Variants in DIS3L2 observed in about 807,000 individuals in gnomAD.
DIS3L2 encodes DIS3-like exonuclease 2.
Under a neutral mutation model 97.5 loss-of-function variants are expected in DIS3L2, and 34 were observed. The observed-to-expected ratio is 0.35, with a 90% CI of 0.27 to 0.46. The LOEUF is 0.46. DIS3L2 is among the 20% of genes least tolerant of loss of function. DIS3L2 has a pLI of 1.00. For synonymous variants in DIS3L2, 435 were observed against 445.2 expected (o/e 0.98, Z 0.29); for missense variants, 1,038 against 1,146.0 (o/e 0.91, Z 1.36).
intron 5 of DIS3L2, among the ~76,000 whole-genome samples, chr2:232,072,362 G>A (rs1161634267): frequency 6.6e-6 from 1 of 152,142 alleles, no homozygotes; most frequent in Non-Finnish European, 1.5e-5. Context: ...CATGACTTTG[G>A]GAAGAAACAA....
intron 1 of DIS3L2, among the ~76,000 whole-genome samples, chr2:231,982,984 G>C (rs1465283353): frequency 6.6e-6 from 1 of 151,974 alleles, no homozygotes; most frequent in East Asian, 1.9e-4. Flanking sequence ...CCAGCCTCAA[G>C]CATCTTTTAA....
intron 3 of DIS3L2, among the ~76,000 whole-genome samples, chr2:232,020,050 C>T (rs1694468692): frequency 6.6e-6 from 1 of 151,708 alleles, no homozygotes; most frequent in South Asian, 2.1e-4. Context: ...CAGCAGCAAG[C>T]AGAAGAAGGC....
intron 8 of DIS3L2, among the ~76,000 whole-genome samples, chr2:232,148,177 G>A (rs1690276103): frequency 6.6e-6 from 1 of 151,706 alleles, no homozygotes; most frequent in South Asian, 2.1e-4. Context: ...AACCTCCCAA[G>A]TAACTGAGAT....
At chr2:231,966,601 T>C (rs1225892854) in intron 1 of DIS3L2, among the ~76,000 whole-genome samples, 2 of 149,070 alleles carry the variant, frequency 1.3e-5, no homozygotes, top group Non-Finnish European at 1.5e-5. Flanking sequence ...AGTAGCTGGG[T>C]CTACAGGCAT....
At chr2:232,317,491 C>T (rs1695307485) in intron 14 of DIS3L2, among the ~76,000 whole-genome samples, 1 of 152,150 alleles carries the variant, frequency 6.6e-6, no homozygotes, top group African/African-American at 2.4e-5. Context: ...GGCTGGAGTA[C>T]AGTGGCCCGA....
In DIS3L2 at chr2:232,329,929, G is replaced by A. The variant is rs752063922; in HGVS notation, c.1856G>A (p.Ser619Asn). Reference protein sequence around the residue: ...RHPPPQTRMLSDLVEFCDQMG... With the variant: ...RHPPPQTRMLNDLVEFCDQMG... ...CCCCCGCCCCAAACAAGGATGCTCA[G>A]TGACCTGGTGGAATTCTGCGACCAG... is the stretch of plus-strand genomic sequence containing the variant. The change falls in exon 15 of 21, where the codon AGT becomes AAT. Residue 619 changes from serine to asparagine, a missense_variant. This residue lies in a region of DIS3L2 where 813 missense variants were observed against 880.1 expected (regional missense o/e 0.92). Transcript: ENST00000325385. 9.3e-6 allele frequency: 15 copies of A among 1,613,260 alleles called. No homozygotes were observed. In the East Asian group the frequency reaches 3.1e-4, roughly 34 times the overall value.
rs1423511538 is a variant in DIS3L2 at position 232,154,776 on chromosome 2, G to T, written c.951-8683G>T. Among the ~76,000 whole-genome samples, 5 of 147,846 alleles carry T rather than the reference G, an allele frequency of 3.4e-5. No homozygotes were observed. The East Asian group carries it at 9.9e-4, about 29-fold the overall frequency. ...GCTTTGTTTACCTAAGCAAGCCTGG[G>T]CAATGGCGGGCGCCCCTCCCCCAGC... On this transcript the variant is annotated intron_variant, in intron 8 of 20. Transcript: ENST00000325385.
At chr2:232,329,786 C>CCCGGGGGGGGGG in intron 14 of DIS3L2, 27 bp from the exon 15 acceptor site, 17 of 430,230 alleles carry the variant, frequency 4.0e-5, no homozygotes, top group East Asian at 6.0e-5. Flanking sequence ...CCCCAGCGGT[C>CCCGGGGGGGGGG]CCTCCCATCC....
At chr2:232,226,600 G>A (rs1205497869) in intron 10 of DIS3L2, among the ~76,000 whole-genome samples, 1 of 152,190 alleles carries the variant, frequency 6.6e-6, no homozygotes, top group Non-Finnish European at 1.5e-5. Flanking sequence ...GAGGCTACAA[G>A]TGAACTTGAG....
chr2:232,257,905 G>C (rs532384746), intron 12 of DIS3L2, among the ~76,000 whole-genome samples: 2 of 152,264 alleles, frequency 1.3e-5, no homozygotes, highest in East Asian at 3.9e-4. Flanking sequence ...CTAGATTTTG[G>C]GTCTGTCTTT....
In DIS3L2 at chr2:232,024,261, A is replaced by AT. The variant is rs767260895; in HGVS notation, c.211-10dup. ...ATATAGCTAGATTTTCACAAACTTT[A>AT]TTTTTTGTTTTAAAGGGTGTATTGA... On this transcript the variant is annotated splice_polypyrimidine_tract_variant and intron_variant, in intron 3 of 20. Transcript: ENST00000325385. 3.2e-6 allele frequency: 5 copies of AT among 1,566,994 alleles called. No individual in the cohort carries two copies. Among genetic ancestry groups the AT allele is most frequent in the Non-Finnish European group, 4.3e-6 (5 of 1,155,116 alleles).
chr2:232,245,413 G>A (rs563851836), intron 11 of DIS3L2, among the ~76,000 whole-genome samples: 1 of 152,328 alleles, frequency 6.6e-6, no homozygotes, highest in African/African-American at 2.4e-5. Context: ...GCCTGGGGTT[G>A]TGGGAGAGCA....
At chr2:232,334,275 C>T (rs571105919) in intron 17 of DIS3L2, 94 bp from the exon 18 acceptor site, 183 of 1,449,952 alleles carry the variant, frequency 1.3e-4, no homozygotes, top group Non-Finnish European at 1.6e-4. Context: ...CCTAATCTGT[C>T]GGCGGGGGTG....
At chr2:232,295,766 C>T (rs914593015) in intron 13 of DIS3L2, among the ~76,000 whole-genome samples, 8 of 152,230 alleles carry the variant, frequency 5.3e-5, no homozygotes, top group Non-Finnish European at 1.2e-4. Flanking sequence ...TCTCTGCCCC[C>T]AGCACTCCCT....
At chr2:232,149,008 T>C (rs938007714) in intron 8 of DIS3L2, among the ~76,000 whole-genome samples, 31 of 149,168 alleles carry the variant, frequency 2.1e-4, no homozygotes, top group African/African-American at 7.7e-4. Flanking sequence ...AAGAGTTCTA[T>C]AAATGATGGC....
Position 232,180,324 on chromosome 2 carries a change from G to C in DIS3L2, c.1124+16692G>C, listed in dbSNP as rs1469416935. Among the ~76,000 whole-genome samples the C allele has an allele frequency of 1.4e-4, 3 of 21,948 alleles. No individual in the cohort carries two copies. In the East Asian group the frequency reaches 8.1e-3, roughly 59 times the overall value. The allele number at this position is 21,948 out of a possible 152,430, so 14.4% of individuals were successfully genotyped here. On this transcript the variant is annotated intron_variant, in intron 9 of 20. Coordinates refer to ENST00000325385, the MANE Select transcript of DIS3L2 (RefSeq NM_152383.5). ...TGGAGAGTTCTGTAGATGTCTATTA[G>C]GTCCACTTGGTGCAGAGCTGAGTTC...
intron 1 of DIS3L2, among the ~76,000 whole-genome samples, chr2:231,971,736 G>A (rs1020482256): frequency 2.0e-5 from 3 of 147,834 alleles, no homozygotes; most frequent in Non-Finnish European, 4.5e-5. Flanking sequence ...GTGAGCCACC[G>A]CACCCTGCCC....
At chr2:232,054,671 T>A (rs890152647) in intron 5 of DIS3L2, among the ~76,000 whole-genome samples, 1 of 152,208 alleles carries the variant, frequency 6.6e-6, no homozygotes. Context: ...CAAATGGCTT[T>A]ACAAGTGAAT....
intron 14 of DIS3L2, among the ~76,000 whole-genome samples, chr2:232,311,203 C>T (rs1695120937): frequency 6.6e-6 from 1 of 152,222 alleles, no homozygotes; most frequent in Non-Finnish European, 1.5e-5. Flanking sequence ...ACAGACCAGT[C>T]ACATACATCA....
Sources: gnomAD v4.1 joint callset for allele counts (sites outside exome capture counted in the v4.1 genomes callset) on GRCh38, gnomAD v4.1.1 for gene constraint, gnomAD v4.1.1 regional missense constraint, MANE v1.5 for transcripts, NCBI Gene and HGNC (gene_info 2026-07-23, HGNC 2026-07-21) for gene names.